FRMD4A: variants seen among roughly 807,000 people sequenced by gnomAD.
The protein encoded by FRMD4A is FERM domain containing 4A, also known as FERM domain-containing protein 4A.
Under a neutral mutation model 129.1 loss-of-function variants are expected in FRMD4A, and 29 were observed. That is an observed-to-expected ratio of 0.22 (90% CI 0.17 to 0.31). The LOEUF (loss-of-function observed/expected upper bound fraction) is 0.31, where lower values mean the gene tolerates loss of function less well. Ranked by LOEUF, FRMD4A falls within the 10% of genes least tolerant of loss-of-function variation. FRMD4A has a pLI of 1.00. For missense variants in FRMD4A, 1,272 were observed against 1,375.8 expected, an observed-to-expected ratio of 0.92 and a Z score of 1.19; for synonymous variants, 634 against 571.6, an observed-to-expected ratio of 1.11 and a Z score of -1.56.
chr10:13,844,271 T>G (rs1266012138), intron 3 of FRMD4A, among the ~76,000 whole-genome samples: 2 of 152,212 alleles, frequency 1.3e-5, no homozygotes, highest in Non-Finnish European at 2.9e-5. Context: ...GTTAAACCAA[T>G]GTTTAATGTT....
At chr10:13,761,548 T>A in intron 8 of FRMD4A, 99 bp downstream of exon 8, 1 of 787,424 alleles carries the variant, frequency 1.3e-6, no homozygotes, top group South Asian at 1.6e-5. Context: ...ATAACATGAA[T>A]AAATTGTCCA....
intron 2 of FRMD4A, among the ~76,000 whole-genome samples, chr10:14,310,161 A>C (rs1846495250): frequency 2.5e-5 from 1 of 39,778 alleles, no homozygotes; most frequent in East Asian, 7.6e-4. Flanking sequence ...GGGCCTCTGC[A>C]GCATTTTGCT....
Position 13,913,601 on chromosome 10 carries a change from C to T in FRMD4A, c.46-54689G>A, listed in dbSNP as rs546706097. Among the ~76,000 whole-genome samples, 4 of 152,142 alleles carry T rather than the reference C, an allele frequency of 2.6e-5. No homozygotes were observed. In the East Asian group the frequency reaches 5.8e-4, roughly 22 times the overall value. On this transcript the variant is annotated intron_variant, in intron 2 of 24. Coordinates refer to ENST00000357447, the MANE Select transcript of FRMD4A (RefSeq NM_018027.5). Reference sequence around the variant, plus strand: ...GGGTCCAGCCACATCTCCTGAGGCACGTGATCCGCCTTCATTCATATGACA... The same window carrying T: ...GGGTCCAGCCACATCTCCTGAGGCATGTGATCCGCCTTCATTCATATGACA...
intron 2 of FRMD4A, among the ~76,000 whole-genome samples, chr10:14,120,391 G>A (rs979904132): frequency 6.6e-6 from 1 of 151,994 alleles, no homozygotes; most frequent in East Asian, 1.9e-4. Flanking sequence ...CATACTCCCA[G>A]AGCACTTATG....
chr10:13,740,103 G>GAA, intron 11 of FRMD4A, 91 bp downstream of exon 11: 8 of 816,194 alleles, frequency 9.8e-6, no homozygotes, highest in Non-Finnish European at 1.7e-5. Flanking sequence ...TATCTCAAAA[G>GAA]AAAAAGAAAA....
At chr10:13,880,975 A>G (rs1011990390) in intron 2 of FRMD4A, among the ~76,000 whole-genome samples, 1 of 152,078 alleles carries the variant, frequency 6.6e-6, no homozygotes, top group African/African-American at 2.4e-5. Context: ...TCTCACTGCC[A>G]CATTCCTGGA....
chr10:13,714,047 T>TA (rs1285253589), intron 12 of FRMD4A, among the ~76,000 whole-genome samples: 1 of 27,070 alleles, frequency 3.7e-5, no homozygotes, highest in Non-Finnish European at 7.8e-5. Context: ...TATATATATA[T>TA]ATATATATAT....
intron 2 of FRMD4A, among the ~76,000 whole-genome samples, chr10:13,975,595 T>C (rs2095539537): frequency 1.3e-5 from 2 of 151,924 alleles, no homozygotes; most frequent in Admixed American, 1.3e-4. Flanking sequence ...TCTCTGTGTG[T>C]GTCTGTCTCG....
In FRMD4A at chr10:13,983,005, C is replaced by T. The variant is rs367884561; in HGVS notation, c.46-124093G>A. Among the ~76,000 whole-genome samples, 23 of 152,138 alleles carry T rather than the reference C, an allele frequency of 1.5e-4. No homozygotes were observed. In the East Asian group the frequency reaches 3.1e-3, roughly 20 times the overall value. On this transcript the variant is annotated intron_variant, in intron 2 of 24. Transcript: ENST00000357447. ...TTTTTGAGATGGGGTCTGGCTCTGT[C>T]GTGCAGTGGGAAGATCTCGGCTCAC...
intron 2 of FRMD4A, among the ~76,000 whole-genome samples, chr10:14,151,299 G>A (rs1455885498): frequency 1.9e-4 from 29 of 152,174 alleles, no homozygotes; most frequent in Non-Finnish European, 1.5e-5. Flanking sequence ...GGAAAATGTG[G>A]TACATGTACA....
intron 2 of FRMD4A, among the ~76,000 whole-genome samples, chr10:14,033,311 A>G (rs1228321068): frequency 6.6e-6 from 1 of 152,054 alleles, no homozygotes; most frequent in Non-Finnish European, 1.5e-5. Flanking sequence ...TGTCTCAAAA[A>G]AAAAAAAAAA....
intron 2 of FRMD4A, among the ~76,000 whole-genome samples, chr10:14,185,687 G>A (rs773289588): frequency 5.9e-5 from 9 of 152,202 alleles, no homozygotes; most frequent in African/African-American, 1.4e-4. Flanking sequence ...AGAGAGGATA[G>A]CAGCAGCTCA....
intron 2 of FRMD4A, among the ~76,000 whole-genome samples, chr10:14,170,248 T>G (rs149537482): frequency 6.6e-6 from 1 of 152,196 alleles, no homozygotes; most frequent in African/African-American, 2.4e-5. Flanking sequence ...GAAAGACAAT[T>G]CTTGAACTAA....
Position 14,088,026 on chromosome 10 carries a change from A to G in FRMD4A, c.46-229114T>C, listed in dbSNP as rs187611109. On this transcript the variant is annotated intron_variant, in intron 2 of 24. Coordinates refer to ENST00000357447, the MANE Select transcript of FRMD4A (RefSeq NM_018027.5). ...TTATAAAGTCACCTTGGTATCTGGA[A>G]GGAGAGCAGAAACTAACAGAGCCTA... 9.2e-5 allele frequency among the ~76,000 whole-genome samples: 14 copies of G among 152,320 alleles called. No individual in the cohort carries two copies. In the East Asian group the frequency reaches 2.5e-3, roughly 27 times the overall value.
intron 2 of FRMD4A, among the ~76,000 whole-genome samples, chr10:14,086,342 G>A (rs562730055): frequency 1.3e-5 from 2 of 152,170 alleles, no homozygotes; most frequent in African/African-American, 4.8e-5. Flanking sequence ...CTGAGCCTCA[G>A]GTTCACTAAT....
chr10:13,907,324 A>G (rs966902394), intron 2 of FRMD4A, among the ~76,000 whole-genome samples: 1 of 152,188 alleles, frequency 6.6e-6, no homozygotes, highest in African/African-American at 2.4e-5. Context: ...TGATGTGCAT[A>G]TTATGTACAT....
At chr10:13,894,048 T>G (rs2094730632) in intron 2 of FRMD4A, among the ~76,000 whole-genome samples, 1 of 152,022 alleles carries the variant, frequency 6.6e-6, no homozygotes, top group Non-Finnish European at 1.5e-5. Context: ...CTCCCTCCTT[T>G]CTCTCATTCC....
chr10:13,811,977 G>A (rs2093457106), intron 3 of FRMD4A, among the ~76,000 whole-genome samples: 1 of 151,304 alleles, frequency 6.6e-6, no homozygotes, highest in Non-Finnish European at 1.5e-5. Flanking sequence ...CTGCCTCCTG[G>A]GTTCAAGTGA....
At chr10:14,185,587 A>T (rs189252895) in intron 2 of FRMD4A, among the ~76,000 whole-genome samples, 16 of 151,100 alleles carry the variant, frequency 1.1e-4, no homozygotes, top group Admixed American at 8.0e-4. Context: ...GTCTTGTAAG[A>T]AAGAGAAACA....
Sources: allele counts gnomAD v4.1 joint callset (sites outside exome capture counted in the v4.1 genomes callset), GRCh38; gene constraint gnomAD v4.1.1; transcripts MANE v1.5; gene names NCBI Gene and HGNC (gene_info 2026-07-23, HGNC 2026-07-21).